The following SLC37A1 variants were observed in gnomAD, a reference collection of about 807,000 sequenced individuals.
The protein encoded by SLC37A1 is glucose-6-phosphate exchanger SLC37A1.
In SLC37A1, 49 loss-of-function variants were observed where a neutral mutation model predicts 75.3. The observed-to-expected ratio is 0.65, with a 90% confidence interval of 0.52 to 0.83. The LOEUF is 0.83. Among genes scored for constraint, SLC37A1 ranks in the 40% least tolerant of loss-of-function variants. The pLI is 0.00. For synonymous variants in SLC37A1, 268 were observed against 292.1 expected, an observed-to-expected ratio of 0.92 and a Z score of 0.84; for missense variants, 566 against 695.0, an observed-to-expected ratio of 0.81 and a Z score of 2.09.
chr21:42,561,874 G>A (rs1045796984), intron 11 of SLC37A1: 15 of 521,976 alleles, frequency 2.9e-5, no homozygotes, highest in East Asian at 6.0e-5. Context: ...GCCCCTGCTC[G>A]GGGTGAGCGC....
intron 13 of SLC37A1, 22 bp downstream of exon 13, chr21:42,563,899 C>G: frequency 6.2e-7 from 1 of 1,613,868 alleles, no homozygotes; most frequent in Non-Finnish European, 8.5e-7. Context: ...AAGACTTGTT[C>G]TGCTGCAACA....
At chr21:42,580,236 G>A in intron 19 of SLC37A1, 109 bp from the exon 20 acceptor site, 1 of 1,275,314 alleles carries the variant, frequency 7.8e-7, no homozygotes, top group South Asian at 1.3e-5. Context: ...GCTGGGCCGG[G>A]AGGGCAGCTG....
At chr21:42,564,516 T>C (rs1307519345) in intron 13 of SLC37A1, among the ~76,000 whole-genome samples, 192 bp from the exon 14 acceptor site, 2 of 152,180 alleles carry the variant, frequency 1.3e-5, no homozygotes, top group Non-Finnish European at 1.5e-5. Context: ...TCTCCAAGAC[T>C]CTCACATCTG....
intron 18 of SLC37A1, among the ~76,000 whole-genome samples, chr21:42,576,923 C>A (rs1202193578): frequency 6.6e-6 from 1 of 151,982 alleles, no homozygotes; most frequent in African/African-American, 2.4e-5. Flanking sequence ...ATGAGATGGC[C>A]TAAAGTTATC....
At chr21:42,509,000 C>T (rs1390644127), upstream of SLC37A1, among the ~76,000 whole-genome samples, 4 of 152,094 alleles carry the variant, frequency 2.6e-5, no homozygotes, top group African/African-American at 9.7e-5. Context: ...ACTAAAATGC[C>T]ATTACCTAAA....
At chr21:42,564,365 G>T (rs541788895) in intron 13 of SLC37A1, among the ~76,000 whole-genome samples, 1 of 152,072 alleles carries the variant, frequency 6.6e-6, no homozygotes, top group South Asian at 2.1e-4. Context: ...CTCCAGCCTG[G>T]GTGACAGAGT....
At chr21:42,575,457 G>A in intron 18 of SLC37A1, 2 of 985,462 alleles carry the variant, frequency 2.0e-6, no homozygotes, top group South Asian at 9.4e-5. Context: ...CAGACACTGA[G>A]TCGCCTTCTG....
At chr21:42,537,029 A>G (rs2055157352) in intron 5 of SLC37A1, among the ~76,000 whole-genome samples, 1 of 152,170 alleles carries the variant, frequency 6.6e-6, no homozygotes, top group African/African-American at 2.4e-5. Flanking sequence ...GGATCCCCAT[A>G]AATGTTTAGC....
chr21:42,568,441 G>A lies in SLC37A1; in HGVS notation c.1423+3G>A, dbSNP rs1402614931. The A allele has an allele frequency of 5.0e-6, 8 of 1,613,680 alleles. No homozygotes were observed. In the South Asian group the frequency reaches 5.5e-5, roughly 11 times the overall value. On this transcript the variant is annotated splice_donor_region_variant and intron_variant, in intron 17 of 19. Coordinates refer to ENST00000352133, the MANE Select transcript of SLC37A1 (RefSeq NM_001320537.2). ...CATTGACGGGACGGGCTCTGTAGGTGCGCAGAGAGTTTTAGCTCTGGGAGG... is the reference window on the plus strand; with the variant it reads ...CATTGACGGGACGGGCTCTGTAGGTACGCAGAGAGTTTTAGCTCTGGGAGG...
chr21:42,527,447 G>T (rs187188799), intron 3 of SLC37A1, among the ~76,000 whole-genome samples: 4 of 152,272 alleles, frequency 2.6e-5, no homozygotes, highest in African/African-American at 9.6e-5. Flanking sequence ...CAAGACTTAG[G>T]GCTTCTGAGG....
intron 18 of SLC37A1, chr21:42,575,830 C>A: frequency 1.0e-6 from 1 of 985,396 alleles, no homozygotes; most frequent in East Asian, 1.1e-4. Context: ...AACCTATGAA[C>A]TTACTAGGTT....
Position 42,548,691 on chromosome 21 carries a change from C to A in SLC37A1, c.768+1551C>A, listed in dbSNP as rs983461011. 6.6e-6 allele frequency among the ~76,000 whole-genome samples: 1 copy of A among 152,232 alleles called. No individual in the cohort carries two copies. Among genetic ancestry groups the A allele is most frequent in the East Asian group, 1.9e-4 (1 of 5,192 alleles). On this transcript the variant is annotated intron_variant, in intron 9 of 19. Transcript: ENST00000352133. The surrounding 1 kb of genome is among the most constrained non-coding windows in gnomAD (Gnocchi z 5.6). ...CGCACTTGCAGAGACTGTATTGATA[C>A]AGACGCCAGAGCACATCAGCCCTTG... is the stretch of plus-strand genomic sequence containing the variant.
intron 18 of SLC37A1, 70 bp from the exon 19 acceptor site, chr21:42,579,666 T>C (rs1414807258): frequency 8.3e-6 from 13 of 1,568,866 alleles, no homozygotes; most frequent in African/African-American, 2.7e-5. Context: ...CAGGTCCTCA[T>C]GGTGCCCACG....
chr21:42,528,544 G>A (rs998957963), intron 3 of SLC37A1, among the ~76,000 whole-genome samples: 3 of 152,222 alleles, frequency 2.0e-5, no homozygotes, highest in Non-Finnish European at 4.4e-5. Context: ...GGAGAAAACT[G>A]GCTAGGCGCA....
intron 1 of SLC37A1, among the ~76,000 whole-genome samples, chr21:42,501,482 G>A (rs913299742): frequency 2.0e-5 from 3 of 152,188 alleles, no homozygotes; most frequent in Non-Finnish European, 4.4e-5. Context: ...AGGCCAAGGT[G>A]GGTGGATTGC....
intron 3 of SLC37A1, among the ~76,000 whole-genome samples, chr21:42,530,738 T>C (rs559996797): frequency 1.3e-5 from 2 of 151,526 alleles, no homozygotes; most frequent in African/African-American, 4.8e-5. Context: ...CTGAATCCCC[T>C]GCTCCTGTCC....
chr21:42,536,337 C>T (rs1039853206), intron 5 of SLC37A1, among the ~76,000 whole-genome samples: 1 of 152,228 alleles, frequency 6.6e-6, no homozygotes, highest in East Asian at 1.9e-4. Context: ...AAGCTCACAA[C>T]GGTGCCTGGC....
chr21:42,574,971 G>T, intron 18 of SLC37A1, 56 bp downstream of exon 18: 1 of 1,605,636 alleles, frequency 6.2e-7, no homozygotes, highest in Non-Finnish European at 8.5e-7. Context: ...CTGTGGTTGT[G>T]TCCAAACACT....
intron 8 of SLC37A1, among the ~76,000 whole-genome samples, chr21:42,543,981 A>G (rs534617221): frequency 6.6e-6 from 1 of 152,380 alleles, no homozygotes; most frequent in South Asian, 2.1e-4. Context: ...CTGATAAGAT[A>G]TATCTTGGAC....
Sources: allele counts gnomAD v4.1 joint callset (sites outside exome capture counted in the v4.1 genomes callset), GRCh38; gene constraint gnomAD v4.1.1; non-coding constraint Gnocchi (gnomAD v3.1); transcripts MANE v1.5; gene names NCBI Gene and HGNC (gene_info 2026-07-23, HGNC 2026-07-21).